Variants in USH2A observed in about 807,000 individuals in gnomAD.
USH2A encodes the protein usherin.
USH2A carries 443 observed loss-of-function variants against 538.9 expected under a neutral mutation model. The ratio of observed to expected loss-of-function variants is 0.82; its 90% confidence interval spans 0.76 to 0.89. The LOEUF (loss-of-function observed/expected upper bound fraction) is 0.89, where lower values mean the gene tolerates loss of function less well. Ranked by LOEUF, USH2A falls within the 40% of genes least tolerant of loss-of-function variation. The pLI, the probability that USH2A is intolerant of heterozygous loss-of-function variation, is 0.00. For synonymous variants in USH2A, 2,413 were observed against 2,273.5 expected (o/e 1.06, Z -1.75); for missense variants, 6,633 against 6,324.8 (o/e 1.05, Z -1.65).
intron 38 of USH2A, among the ~76,000 whole-genome samples, chr1:215,903,933 C>CATGATATTTTTTTTT (rs1431750538): frequency 6.6e-6 from 1 of 151,968 alleles, no homozygotes; most frequent in Non-Finnish European, 1.5e-5. Context: ...TTGCTAAAGG[C>CATGATATTTTTTTTT]TTTTTAATTG....
chr1:215,949,459 A>T (rs1205960202), intron 37 of USH2A, among the ~76,000 whole-genome samples: 8 of 151,890 alleles, frequency 5.3e-5, no homozygotes, highest in Admixed American at 5.2e-4. Flanking sequence ...AAGAACTAAG[A>T]CCTTTTAACA....
chr1:216,415,732 G>T (rs1380426606), intron 3 of USH2A, among the ~76,000 whole-genome samples: 3 of 151,748 alleles, frequency 2.0e-5, no homozygotes, highest in Non-Finnish European at 4.4e-5. Flanking sequence ...TTGCCATGTT[G>T]CCCAGGCTGG....
intron 60 of USH2A, among the ~76,000 whole-genome samples, chr1:215,729,178 T>C (rs1659919493): frequency 6.6e-6 from 1 of 152,166 alleles, no homozygotes; most frequent in South Asian, 2.1e-4. Flanking sequence ...ACCATAAAAT[T>C]ACTGTGTGAA....
chr1:216,164,895 A>G (rs1400445036), intron 21 of USH2A, among the ~76,000 whole-genome samples: 1 of 152,178 alleles, frequency 6.6e-6, no homozygotes, highest in African/African-American at 2.4e-5. Flanking sequence ...ATTGCATTGA[A>G]ACCTTACAAT....
At chr1:216,227,708 A>G (rs551939529) in intron 14 of USH2A, among the ~76,000 whole-genome samples, 32 of 152,324 alleles carry the variant, frequency 2.1e-4, no homozygotes, top group Non-Finnish European at 3.7e-4. Context: ...GGAGATACAT[A>G]TATCTGGCTT....
At chr1:216,280,717 T>G (rs1442528404) in intron 11 of USH2A, among the ~76,000 whole-genome samples, 2 of 152,144 alleles carry the variant, frequency 1.3e-5, no homozygotes, top group Non-Finnish European at 2.9e-5. Context: ...CAACATTTCT[T>G]ATGGAAGAAT....
chr1:215,653,914 A>G (rs2102647381), intron 64 of USH2A, among the ~76,000 whole-genome samples: 1 of 152,308 alleles, frequency 6.6e-6, no homozygotes, highest in East Asian at 1.9e-4. Context: ...CTTTTTAGCA[A>G]TATGTCCCGA....
intron 6 of USH2A, 55 bp from the exon 7 acceptor site, chr1:216,324,407 T>G: frequency 6.9e-7 from 1 of 1,446,404 alleles, no homozygotes; most frequent in Non-Finnish European, 9.5e-7. Flanking sequence ...ACCATCAGTA[T>G]ATATCAAACC....
At chr1:216,210,156 A>T (rs2035208101) in intron 15 of USH2A, among the ~76,000 whole-genome samples, 1 of 151,746 alleles carries the variant, frequency 6.6e-6, no homozygotes, top group South Asian at 2.1e-4. Flanking sequence ...GTATGAAATC[A>T]TACTCCTTTT....
At chr1:216,184,253 G>A (rs543878874) in intron 20 of USH2A, among the ~76,000 whole-genome samples, 4 of 152,126 alleles carry the variant, frequency 2.6e-5, no homozygotes, top group Admixed American at 2.0e-4. Context: ...CTGTTCAAGT[G>A]TTCTTGTCAA....
At chr1:216,223,634 C>T (rs2035503517) in intron 14 of USH2A, among the ~76,000 whole-genome samples, 2 of 152,194 alleles carry the variant, frequency 1.3e-5, no homozygotes, top group Admixed American at 6.5e-5. Flanking sequence ...GAAAGCCCTG[C>T]CTTGGCTGCC....
At chr1:216,147,861 C>A (rs998130740) in intron 21 of USH2A, among the ~76,000 whole-genome samples, 2 of 151,242 alleles carry the variant, frequency 1.3e-5, no homozygotes, top group Non-Finnish European at 2.9e-5. Flanking sequence ...GGAATGCCCG[C>A]AGCCCGGGAT....
chr1:216,253,894 C>T (rs2036210518), intron 11 of USH2A, among the ~76,000 whole-genome samples: 1 of 152,190 alleles, frequency 6.6e-6, no homozygotes, highest in Admixed American at 6.5e-5. Context: ...CCATCTTGCA[C>T]TCCAATTATC....
At chr1:215,723,400 C>T (rs1436289785) in intron 61 of USH2A, among the ~76,000 whole-genome samples, 1 of 152,184 alleles carries the variant, frequency 6.6e-6, no homozygotes. Flanking sequence ...AGAATTCATG[C>T]CTCCATTGCA....
intron 47 of USH2A, among the ~76,000 whole-genome samples, chr1:215,831,300 A>G (rs1663307905): frequency 6.6e-6 from 1 of 152,154 alleles, no homozygotes; most frequent in Non-Finnish European, 1.5e-5. Flanking sequence ...ATAACTGATA[A>G]AACAAGCAGG....
rs991437882 is a variant in USH2A, at chr1:215,999,169, TA to T, written c.6486-112del. The T allele has an allele frequency of 5.3e-5, 50 of 942,426 alleles. No homozygotes were observed. In the African/African-American group the frequency reaches 7.1e-4, roughly 13 times the overall value. 58.4% of individuals were successfully genotyped at this position (942,426 alleles called of 1,614,324 possible). On this transcript the variant is annotated intron_variant, in intron 33 of 71. Coordinates refer to ENST00000307340, the MANE Select transcript of USH2A (RefSeq NM_206933.4). ...ATTTGTGACACTTTTTTAAAAAACA[TA>T]AATCTCAAAATTGATTCATTTAAAA...
At chr1:215,999,455 A>T (rs1472746532) in intron 33 of USH2A, among the ~76,000 whole-genome samples, 1 of 152,204 alleles carries the variant, frequency 6.6e-6, no homozygotes, top group African/African-American at 2.4e-5. Context: ...ATGTAATTAG[A>T]GAAAACAGTG....
At chr1:215,684,521 G>A (rs1658345090) in intron 61 of USH2A, among the ~76,000 whole-genome samples, 1 of 152,162 alleles carries the variant, frequency 6.6e-6, no homozygotes, top group South Asian at 2.1e-4. Context: ...AGTTTCCAGA[G>A]CTTTCCCTCT....
At chr1:216,309,378 C>T (rs2037379052) in intron 9 of USH2A, among the ~76,000 whole-genome samples, 1 of 152,170 alleles carries the variant, frequency 6.6e-6, no homozygotes, top group Non-Finnish European at 1.5e-5. Flanking sequence ...TGCCCTAATT[C>T]AGCCTCTGCT....
Sources: gnomAD v4.1 joint callset for allele counts (sites outside exome capture counted in the v4.1 genomes callset) on GRCh38, gnomAD v4.1.1 for gene constraint, MANE v1.5 for transcripts, NCBI Gene and HGNC (gene_info 2026-07-23, HGNC 2026-07-21) for gene names.